Variants in CFH observed in about 807,000 individuals in gnomAD.
CFH encodes the protein H factor 1 (complement).
Under a neutral mutation model 147.3 loss-of-function variants are expected in CFH, and 53 were observed. That is an observed-to-expected ratio of 0.36 (90% CI 0.29 to 0.45). The LOEUF (loss-of-function observed/expected upper bound fraction) is 0.45. CFH is among the 20% of genes least tolerant of loss of function. CFH has a pLI of 1.00. For synonymous variants in CFH, 536 were observed against 489.4 expected (o/e 1.10, Z -1.26); for missense variants, 1,380 against 1,498.0 (o/e 0.92, Z 1.30).
intron 9 of CFH, among the ~76,000 whole-genome samples, chr1:196,698,689 A>T (rs1178715711): frequency 6.6e-6 from 1 of 152,194 alleles, no homozygotes. Context: ...TATTTCAAAC[A>T]ATAGAAAAAG....
At chr1:196,692,901 C>CCCTCCCTCCCTT (rs1263518279) in intron 9 of CFH, among the ~76,000 whole-genome samples, 1 of 70,722 alleles carries the variant, frequency 1.4e-5, no homozygotes, top group African/African-American at 7.4e-5. Flanking sequence ...CTCCCTCCCT[C>CCCTCCCTCCCTT]CCTTCCTTCC....
At position 196,677,506 on chromosome 1, in the gene CFH, A is replaced by G; in HGVS notation, c.458A>G (p.Glu153Gly). 1 of 1,613,234 alleles carries G rather than the reference A, an allele frequency of 6.2e-7. No individual in the cohort carries two copies. The highest frequency in any genetic ancestry group is 8.5e-7 in the Non-Finnish European group (1 of 1,179,400). ...AAGTGTTTACCAGTGACAGCACCAGAGAATGGAAAAATTGTCAGTAGTGCA... is the reference window on the plus strand; with the variant it reads ...AAGTGTTTACCAGTGACAGCACCAGGGAATGGAAAAATTGTCAGTAGTGCA... ...VVKCLPVTAPENGKIVSSAME... is the reference protein window; with the variant it reads ...VVKCLPVTAPGNGKIVSSAME... Residue 153 changes from glutamate (E) to glycine (G), a missense_variant, in exon 5 of 22, where the codon GAG becomes GGG. Glu to Gly is a moderately conservative substitution (Grantham distance 98). Coordinates refer to ENST00000367429, the MANE Select transcript of CFH (RefSeq NM_000186.4).
intron 9 of CFH, among the ~76,000 whole-genome samples, chr1:196,702,316 C>A (rs1206319766): frequency 6.6e-6 from 1 of 152,008 alleles, no homozygotes; most frequent in African/African-American, 2.4e-5. Flanking sequence ...TTATACCCAA[C>A]AGGGAACTCC....
At chr1:196,732,512 A>G (rs190941072) in intron 15 of CFH, among the ~76,000 whole-genome samples, 283 of 151,854 alleles carry the variant, frequency 1.9e-3, no homozygotes, top group African/African-American at 6.6e-3. Context: ...TTTTGTTTGG[A>G]GTTATGATAT....
intron 9 of CFH, among the ~76,000 whole-genome samples, chr1:196,704,912 G>A (rs1034151420): frequency 8.5e-5 from 13 of 152,308 alleles, no homozygotes; most frequent in African/African-American, 2.9e-4. Context: ...TTGTACTGGT[G>A]TTCAGTCTTG....
intron 3 of CFH, among the ~76,000 whole-genome samples, chr1:196,675,150 C>T (rs557672883): frequency 6.6e-6 from 1 of 152,224 alleles, no homozygotes; most frequent in Admixed American, 6.5e-5. Flanking sequence ...TTAAGTTCAG[C>T]ACTTGACTTG....
rs1667977724 is a variant in CFH, at chr1:196,690,216, C to G, written c.1313C>G (p.Pro438Arg). The G allele has an allele frequency of 6.2e-7, 1 of 1,613,184 alleles. No individual in the cohort carries two copies. Among genetic ancestry groups the G allele is most frequent in the Admixed American group, 1.7e-5 (1 of 59,862 alleles). The change falls in exon 9 of 22, where the codon CCT (proline) becomes CGT (arginine). Residue 438 changes from proline to arginine, a missense_variant. By Grantham distance (103) the Pro-to-Arg change is moderately radical (BLOSUM62 -2). This residue lies in a region of CFH where 830 missense variants were observed against 821.4 expected (regional missense o/e 1.01). Transcript: ENST00000367429. Reference sequence around the variant, plus strand: ...ACATGTATGGAGAATGGCTGGTCTCCTACTCCCAGATGCATCCGTGTCAGT... The same window carrying G: ...ACATGTATGGAGAATGGCTGGTCTCGTACTCCCAGATGCATCCGTGTCAGT... ...TVTCMENGWSPTPRCIRVKTC... is the reference protein window; with the variant it reads ...TVTCMENGWSRTPRCIRVKTC...
At chr1:196,709,312 A>T (rs567952218) in intron 9 of CFH, among the ~76,000 whole-genome samples, 24 of 152,244 alleles carry the variant, frequency 1.6e-4, no homozygotes, top group Admixed American at 1.2e-3. Context: ...GATTCAATTA[A>T]ATATTACAAT....
intron 9 of CFH, among the ~76,000 whole-genome samples, chr1:196,695,448 C>T (rs1668221055): frequency 6.6e-6 from 1 of 152,072 alleles, no homozygotes; most frequent in South Asian, 2.1e-4. Context: ...CGTGATGCAT[C>T]AGCTTTGTGC....
At chr1:196,676,753 T>C (rs906308981) in intron 4 of CFH, among the ~76,000 whole-genome samples, 1 of 151,756 alleles carries the variant, frequency 6.6e-6, no homozygotes, top group African/African-American at 2.4e-5. Context: ...CTACAGAAAA[T>C]AATGGAAGAT....
At chr1:196,687,811 T>C (rs1056021762) in intron 7 of CFH, among the ~76,000 whole-genome samples, 1 of 152,086 alleles carries the variant, frequency 6.6e-6, no homozygotes, top group Non-Finnish European at 1.5e-5. Context: ...GTAAATGTTT[T>C]AATTTCAACA....
At chr1:196,746,151 T>C in intron 21 of CFH, 152 bp downstream of exon 21, 1 of 1,460,930 alleles carries the variant, frequency 6.8e-7, no homozygotes, top group Non-Finnish European at 9.4e-7. Flanking sequence ...AGTTTAGAAA[T>C]TTTTCTCTTT....
At position 196,681,470 on chromosome 1, in the gene CFH, TCA is replaced by T. The variant is rs3043111; in HGVS notation, c.790+1703_790+1704del. Among the ~76,000 whole-genome samples the T allele has an allele frequency of 6.3e-3, 928 of 147,858 alleles. 4 individuals carry two copies. The highest frequency in any genetic ancestry group is 0.013 in the East Asian group (67 of 5,044). Reference sequence around the variant, plus strand: ...TTGCTTCTCTTGAACACTAATTGATTCACACACACACACACACACACACACAC... The same window carrying T: ...TTGCTTCTCTTGAACACTAATTGATTCACACACACACACACACACACACAC... On this transcript the variant is annotated intron_variant, in intron 6 of 21. Coordinates refer to ENST00000367429, the MANE Select transcript of CFH (RefSeq NM_000186.4).
chr1:196,694,364 A>G (rs1225214455), intron 9 of CFH, among the ~76,000 whole-genome samples: 1 of 152,324 alleles, frequency 6.6e-6, no homozygotes, highest in Non-Finnish European at 1.5e-5. Flanking sequence ...ATAGTATTCC[A>G]TGGTGTATAT....
intron 1 of CFH, among the ~76,000 whole-genome samples, chr1:196,671,875 G>A (rs1052758235): frequency 6.7e-6 from 1 of 149,220 alleles, no homozygotes; most frequent in Admixed American, 6.7e-5. Flanking sequence ...GCAGAAAAGT[G>A]AACATATATA....
intron 1 of CFH, among the ~76,000 whole-genome samples, chr1:196,661,416 G>A (rs919353358): frequency 6.6e-6 from 1 of 152,144 alleles, no homozygotes; most frequent in Non-Finnish European, 1.5e-5. Context: ...ATAAACAACA[G>A]GAATGTATTT....
chr1:196,656,090 T>C (rs1381842783), intron 1 of CFH, among the ~76,000 whole-genome samples: 1 of 152,016 alleles, frequency 6.6e-6, no homozygotes, highest in East Asian at 1.9e-4. Context: ...TGGATCACCA[T>C]GTCAGGAGTT....
chr1:196,701,318 G>A (rs1668441935), intron 9 of CFH: 7 of 1,613,524 alleles, frequency 4.3e-6, no homozygotes, highest in Middle Eastern at 1.6e-4. Flanking sequence ...TCTTTCCCAG[G>A]CTTTACCCTC....
intron 15 of CFH, among the ~76,000 whole-genome samples, chr1:196,734,580 G>T (rs1359751952): frequency 6.6e-6 from 1 of 151,970 alleles, no homozygotes; most frequent in Non-Finnish European, 1.5e-5. Context: ...TTAGGGGGTT[G>T]CAGGAGGCTT....
Sources: gnomAD v4.1 joint callset for allele counts (sites outside exome capture counted in the v4.1 genomes callset) on GRCh38, gnomAD v4.1.1 for gene constraint, gnomAD v4.1.1 regional missense constraint, MANE v1.5 for transcripts, NCBI Gene and HGNC (gene_info 2026-07-23, HGNC 2026-07-21) for gene names.